The following IL10RB variants were observed in gnomAD, a reference collection of about 807,000 sequenced individuals.
IL10RB encodes the protein interleukin 10 receptor subunit beta, also known as interleukin-10 receptor subunit beta.
IL10RB carries 30 observed loss-of-function variants against 38.7 expected under a neutral mutation model. The ratio of observed to expected loss-of-function variants is 0.78; its 90% CI spans 0.58 to 1.05. IL10RB has a LOEUF of 1.05. IL10RB is among the 50% of genes least tolerant of loss of function. The probability of loss-of-function intolerance (pLI) is 0.00; values close to 1 mark genes in which losing one functional copy is unlikely to be tolerated. For missense variants in IL10RB, 328 were observed against 397.1 expected (o/e 0.83, Z 1.48); for synonymous variants, 142 against 145.9 (o/e 0.97, Z 0.19).
intron 2 of IL10RB, among the ~76,000 whole-genome samples, chr21:33,274,746 C>T (rs570169747): frequency 3.3e-4 from 51 of 152,306 alleles, no homozygotes; most frequent in African/African-American, 1.2e-3. Flanking sequence ...GGCTTTGTTG[C>T]TCCATTTGTA....
At chr21:33,267,551 T>C (rs1988989073) in intron 1 of IL10RB, among the ~76,000 whole-genome samples, 1 of 148,080 alleles carries the variant, frequency 6.8e-6, no homozygotes, top group Non-Finnish European at 1.5e-5. Context: ...GCTCTGTTGC[T>C]GTGGCCCAGG....
intron 6 of IL10RB, chr21:33,294,158 G>C: frequency 2.3e-6 from 1 of 428,128 alleles, no homozygotes; most frequent in Non-Finnish European, 4.7e-6. Flanking sequence ...GATGGGAGTG[G>C]AGGGTGCTGG....
chr21:33,294,067 G>C (rs1471547642), intron 6 of IL10RB: 1 of 470,968 alleles, frequency 2.1e-6, no homozygotes, highest in Non-Finnish European at 4.4e-6. Flanking sequence ...GGGCCTGCTG[G>C]CATAAGCTCT....
chr21:33,277,588 G>A (rs971513162), intron 3 of IL10RB, among the ~76,000 whole-genome samples: 2 of 151,246 alleles, frequency 1.3e-5, no homozygotes, highest in Admixed American at 6.6e-5. Flanking sequence ...GGTGGCTCAC[G>A]TCTATGATCC....
rs190020320 is a variant in IL10RB at position 33,291,435 on chromosome 21, T to G, written c.804+3174T>G. Among the ~76,000 whole-genome samples, 6 of 152,168 alleles carry G rather than the reference T, an allele frequency of 3.9e-5. No individual in the cohort carries two copies. In the East Asian group the frequency reaches 1.2e-3, roughly 29 times the overall value. ...TGCCCTCCACCACGCCCGGCTAATT[T>G]TTGTGTTTTTAGTAGAGACAGGGTT... is the stretch of plus-strand genomic sequence containing the variant. On this transcript the variant is annotated intron_variant, in intron 6 of 6. Transcript: ENST00000290200.
intron 4 of IL10RB, 122 bp from the exon 5 acceptor site, chr21:33,282,972 C>G (rs995804831): frequency 1.2e-6 from 1 of 814,560 alleles, no homozygotes; most frequent in African/African-American, 1.7e-5. Flanking sequence ...AGAGGAGCAC[C>G]TGCTACCTGC....
chr21:33,280,002 T>G, intron 4 of IL10RB, 84 bp downstream of exon 4: 1 of 1,236,152 alleles, frequency 8.1e-7, no homozygotes, highest in South Asian at 1.2e-5. Context: ...CCTTATGGAC[T>G]GGTCCTCTGT....
At chr21:33,306,714 C>T (rs2082999893) in intron 1 of IL10RB, among the ~76,000 whole-genome samples, 1 of 151,846 alleles carries the variant, frequency 6.6e-6, no homozygotes, top group Non-Finnish European at 1.5e-5. Context: ...TTTTTACTTG[C>T]TTTGTAGAGA....
chr21:33,266,725 G>A (rs1988956501), intron 1 of IL10RB, among the ~76,000 whole-genome samples: 1 of 152,198 alleles, frequency 6.6e-6, no homozygotes, highest in South Asian at 2.1e-4. Context: ...TCCGCGCCCG[G>A]ATTACAGACC....
intron 1 of IL10RB, among the ~76,000 whole-genome samples, chr21:33,266,821 A>G (rs1429007778): frequency 6.6e-6 from 1 of 152,140 alleles, no homozygotes; most frequent in East Asian, 1.9e-4. Flanking sequence ...GCGTCTAAAT[A>G]AAGTAGCTTC....
chr21:33,282,008 A>T (rs1216696761), intron 4 of IL10RB, among the ~76,000 whole-genome samples: 4 of 152,074 alleles, frequency 2.6e-5, no homozygotes, highest in Non-Finnish European at 5.9e-5. Flanking sequence ...CTTTGAAAAA[A>T]TTTGCATTGT....
At chr21:33,301,259 CCT>C (rs1393189562), downstream of IL10RB, among the ~76,000 whole-genome samples, 1 of 152,128 alleles carries the variant, frequency 6.6e-6, no homozygotes, top group Non-Finnish European at 1.5e-5. Flanking sequence ...GATTTTTCTC[CCT>C]GAGTCAGGTC....
At chr21:33,295,914 C>T (rs569574205) in intron 6 of IL10RB, among the ~76,000 whole-genome samples, 13 of 151,860 alleles carry the variant, frequency 8.6e-5, no homozygotes, top group Admixed American at 5.9e-4. Context: ...CGTGGTAGCA[C>T]ATGCCTGTAA....
At chr21:33,279,730 T>C in intron 3 of IL10RB, 22 bp from the exon 4 acceptor site, 2 of 1,609,674 alleles carry the variant, frequency 1.2e-6, no homozygotes, top group Middle Eastern at 1.7e-4. Context: ...TTGATTGTCA[T>C]TTTGCTTGTT....
At chr21:33,268,754 G>A (rs1451869980) in intron 2 of IL10RB, among the ~76,000 whole-genome samples, 3 of 152,168 alleles carry the variant, frequency 2.0e-5, no homozygotes, top group African/African-American at 7.2e-5. Context: ...CAGGGCTGCT[G>A]GCAGATACAG....
chr21:33,280,036 G>A (rs1199773705), intron 4 of IL10RB, 118 bp downstream of exon 4: 5 of 878,526 alleles, frequency 5.7e-6, no homozygotes, highest in Non-Finnish European at 9.6e-6. Flanking sequence ...CCCAGACTGA[G>A]GGGTTACTGG....
downstream of IL10RB, among the ~76,000 whole-genome samples, chr21:33,301,483 G>A (rs191190483): frequency 6.6e-6 from 1 of 152,340 alleles, no homozygotes. Flanking sequence ...CTGAGCAGGA[G>A]GAGTCATGGC....
intron 2 of IL10RB, 125 bp from the exon 3 acceptor site, chr21:33,276,471 C>T (rs943734697): frequency 5.4e-5 from 41 of 757,220 alleles, no homozygotes; most frequent in Non-Finnish European, 8.1e-5. Context: ...TTTGAAGACA[C>T]GTATTTCTAT....
At chr21:33,297,761 T>C (rs2082973812), downstream of IL10RB, among the ~76,000 whole-genome samples, 1 of 151,802 alleles carries the variant, frequency 6.6e-6, no homozygotes, top group Non-Finnish European at 1.5e-5. Context: ...TGCAGTGAGC[T>C]ATGTTCATGC....
Sources: gnomAD v4.1 joint callset for allele counts (sites outside exome capture counted in the v4.1 genomes callset) on GRCh38, gnomAD v4.1.1 for gene constraint, MANE v1.5 for transcripts, NCBI Gene and HGNC (gene_info 2026-07-23, HGNC 2026-07-21) for gene names.